ZFHX2: variants seen among roughly 807,000 people sequenced by gnomAD.
The protein encoded by ZFHX2 is zinc finger homeobox 2.
In ZFHX2, 75 loss-of-function variants were observed where a neutral mutation model predicts 164.8. The ratio of observed to expected loss-of-function variants is 0.46; its 90% CI spans 0.38 to 0.55. The LOEUF (loss-of-function observed/expected upper bound fraction) is 0.55. Among genes scored for constraint, ZFHX2 ranks in the 20% least tolerant of loss-of-function variants. The probability of loss-of-function intolerance (pLI) is 0.00; values close to 1 mark genes in which losing one functional copy is unlikely to be tolerated. For synonymous variants in ZFHX2, 1,217 were observed against 1,351.4 expected, an observed-to-expected ratio of 0.90 and a Z score of 2.18; for missense variants, 2,933 against 3,308.0, an observed-to-expected ratio of 0.89 and a Z score of 2.78.
rs1384981539 is a variant in ZFHX2 at position 23,533,993 on chromosome 14, G to A, written c.1333C>T (p.His445Tyr). Reference sequence around the variant, plus strand: ...AGTGTCTTGCAGGAGTTGCGTGAGTGGAGCAGGGACATGTGGCTGGACAGG... The same window carrying A: ...AGTGTCTTGCAGGAGTTGCGTGAGTAGAGCAGGGACATGTGGCTGGACAGG... ...LSLSSHMSLL[H>Y]SRNSCKTLKC... The change falls in exon 2 of 10, where the codon CAC (histidine) becomes TAC (tyrosine). Residue 445 changes from histidine to tyrosine, a missense_variant. Transcript: ENST00000419474. This position sits in a 1 kb window ranked among gnomAD's most constrained non-coding sequence, Gnocchi z 4.8. 1 of 1,537,486 alleles carries A rather than the reference G, an allele frequency of 6.5e-7. No individual in the cohort carries two copies. The highest frequency in any genetic ancestry group is 2.4e-5 in the East Asian group (1 of 40,904).
Position 23,522,316 on chromosome 14 carries a change from C to G in ZFHX2, c.7365G>C (p.Gln2455His), listed in dbSNP as rs1595129589. 1 of 1,525,490 alleles carries G rather than the reference C, an allele frequency of 6.6e-7. No homozygotes were observed. Among genetic ancestry groups the G allele is most frequent in the East Asian group, 2.5e-5 (1 of 40,774 alleles). 94.5% of individuals were successfully genotyped at this position (1,525,490 alleles called of 1,614,324 possible). The change falls in exon 10 of 10, where the codon CAG becomes CAC. Residue 2455 changes from glutamine (Q) to histidine (H), a missense_variant. Gln to His is a conservative substitution (Grantham distance 24). Coordinates refer to ENST00000419474, the MANE Select transcript of ZFHX2 (RefSeq NM_033400.3). Reference protein sequence around the residue: ...VDVTHRYLCRQCKMAFDGEAP... With the variant: ...VDVTHRYLCRHCKMAFDGEAP... ...CCTCCCCGTCAAATGCCATCTTGCA[C>G]TGGCGGCACAGGTAGCGATGGGTTA...
intron 6 of ZFHX2, 102 bp from the exon 7 acceptor site, chr14:23,527,906 T>A: frequency 1.1e-6 from 1 of 901,234 alleles, no homozygotes; most frequent in Non-Finnish European, 1.6e-6. Flanking sequence ...CACTCCTTTT[T>A]TTTTTTTTTT....
chr14:23,533,844 G>A lies in ZFHX2; in HGVS notation c.1482C>T (p.Arg494=), dbSNP rs920876951. 6.5e-7 allele frequency: 1 copy of A among 1,539,288 alleles called. No homozygotes were observed. The highest frequency in any genetic ancestry group is 1.4e-5 in the African/African-American group (1 of 73,098). Reference sequence around the variant, plus strand: ...AGTTGTAGCTCTCTCCACGAGCAAGGCGGGGGTGGGCGCCCCCAGCACTGC... The same window carrying A: ...AGTTGTAGCTCTCTCCACGAGCAAGACGGGGGTGGGCGCCCCCAGCACTGC... ...SYCSAGGAHP[R]LARGESYNCG... The change falls in exon 2 of 10, where the codon CGC becomes CGT. Residue 494 remains arginine, a synonymous_variant. Transcript: ENST00000419474. This position sits in a 1 kb window ranked among gnomAD's most constrained non-coding sequence, Gnocchi z 4.8.
At position 23,523,544 on chromosome 14, in the gene ZFHX2, G is replaced by A. The variant is rs74039343; in HGVS notation, c.6398C>T (p.Thr2133Ile). The change falls in exon 9 of 10, where the codon ACT (threonine) becomes ATT (isoleucine). Residue 2133 changes from threonine to isoleucine, a missense_variant. Physicochemically the swap from Thr to Ile is moderately conservative, Grantham distance 89. Coordinates refer to ENST00000419474, the MANE Select transcript of ZFHX2 (RefSeq NM_033400.3). This position sits in a 1 kb window ranked among gnomAD's most constrained non-coding sequence, Gnocchi z 4.1. ...AKLQGTAAGS[T>I]GGSSEGLLAA... ...TAAGAGGCCCTCACTGCTGCCCCCA[G>A]TGCTCCCAGCGGCTGTCCCCTGTAG... 14 of 1,536,918 alleles carry A rather than the reference G, an allele frequency of 9.1e-6. No individual in the cohort carries two copies. Among genetic ancestry groups the A allele is most frequent in the Non-Finnish European group, 1.2e-5 (14 of 1,147,034 alleles).
Position 23,522,652 on chromosome 14 carries a change from G to A in ZFHX2, c.7029C>T (p.Gly2343=), listed in dbSNP as rs553114754. Residue 2343 remains glycine, a synonymous_variant, in exon 10 of 10, where the codon GGC becomes GGT. Transcript: ENST00000419474. ...LKTTVPALLG[G]QFLPFPLPPA... ...GGGGCAATGGAAAGGGCAGGAACTG[G>A]CCCCCCAACAGGGCTGGGACAGTGG... 85 of 1,536,306 alleles carry A rather than the reference G, an allele frequency of 5.5e-5. No homozygotes were observed. The South Asian group carries it at 8.8e-4, about 16-fold the overall frequency.
rs1460190414 is a variant in ZFHX2, at chr14:23,531,651, C to T, written c.2630G>A (p.Trp877Ter). The T allele has an allele frequency of 1.3e-6, 2 of 1,511,588 alleles. No homozygotes were observed. Among genetic ancestry groups the T allele is most frequent in the Admixed American group, 4.0e-5 (2 of 49,482 alleles). 93.6% of individuals were successfully genotyped at this position (1,511,588 alleles called of 1,614,324 possible). ...LGLYHCLLCA[W>*]ETPSRLAVLQ... ...CACAGCCAAGCGGGAGGGTGTCTCC[C>T]ACGCACACAACAGGCAGTGGTATAG... is the stretch of plus-strand genomic sequence containing the variant. Residue 877 changes from tryptophan to a stop codon, truncating the protein, a stop_gained, in exon 4 of 10, where the codon TGG becomes TAG. Coordinates refer to ENST00000419474, the MANE Select transcript of ZFHX2 (RefSeq NM_033400.3). LOFTEE classifies it high-confidence loss of function.
rs1269695655 is a variant in ZFHX2 at position 23,525,413 on chromosome 14, T to C, written c.4529A>G (p.Glu1510Gly). Residue 1510 changes from glutamate (E) to glycine (G), a missense_variant, in exon 9 of 10, where the codon GAA (glutamate) becomes GGA (glycine). By Grantham distance (98) the Glu-to-Gly change is moderately conservative (BLOSUM62 -2). Transcript: ENST00000419474. This position sits in a 1 kb window ranked among gnomAD's most constrained non-coding sequence, Gnocchi z 5.9. ...EHVHRRFLPF[E>G]ALSRYAAQFR... ...CTGAGCAGCATAACGGCTCAGGGCT[T>C]CAAAGGGCAGAAAGCGGCGGTGGAC... is the stretch of plus-strand genomic sequence containing the variant. The C allele has an allele frequency of 6.5e-7, 1 of 1,536,144 alleles. No individual in the cohort carries two copies. Among genetic ancestry groups the C allele is most frequent in the Non-Finnish European group, 8.7e-7 (1 of 1,146,922 alleles).
In ZFHX2 at chr14:23,533,180, G is replaced by A. The variant is rs1879774266; in HGVS notation, c.2042-96C>T. 12 of 1,440,932 alleles carry A rather than the reference G, an allele frequency of 8.3e-6. No homozygotes were observed. In the Admixed American group the frequency reaches 2.2e-4, roughly 26 times the overall value. The allele number at this position is 1,440,932 out of a possible 1,614,324, so 89.3% of individuals were successfully genotyped here. On this transcript the variant is annotated intron_variant, in intron 2 of 9. Coordinates refer to ENST00000419474, the MANE Select transcript of ZFHX2 (RefSeq NM_033400.3). This position sits in a 1 kb window ranked among gnomAD's most constrained non-coding sequence, Gnocchi z 4.8. Reference sequence around the variant, plus strand: ...GGGTTAATGAGTAGGATAGTGCTCAGAGGGACTTATGGTTACCTAAGTGGG... The same window carrying A: ...GGGTTAATGAGTAGGATAGTGCTCAAAGGGACTTATGGTTACCTAAGTGGG...
At position 23,525,524 on chromosome 14, in the gene ZFHX2, G is replaced by T. The variant is rs1486302154; in HGVS notation, c.4418C>A (p.Ala1473Asp). 1 of 1,535,666 alleles carries T rather than the reference G, an allele frequency of 6.5e-7. No individual in the cohort carries two copies. ...GGCCAGCTTGTCCCCACCCCCGAGG[G>T]CCTCAGGTGGGGGTGGGGTAGGGGG... ...PPPPTPPPPE[A>D]LGGGDKLACG... Residue 1473 changes from alanine (A) to aspartate (D), a missense_variant, in exon 9 of 10, where the codon GCC becomes GAC. Coordinates refer to ENST00000419474, the MANE Select transcript of ZFHX2 (RefSeq NM_033400.3). This position sits in a 1 kb window ranked among gnomAD's most constrained non-coding sequence, Gnocchi z 5.9.
At chr14:23,553,978 C>T (rs1882157295), upstream of ZFHX2, among the ~76,000 whole-genome samples, 3 of 129,366 alleles carry the variant, frequency 2.3e-5, no homozygotes, top group Admixed American at 2.7e-4. Flanking sequence ...GCGGGAGAAT[C>T]ATTTGAACCC....
chr14:23,525,118 T>G lies in ZFHX2; in HGVS notation c.4824A>C (p.Gln1608His). ...TAGTCTCAAAGAAAGACTGCAGGGC[T>G]TGGGTCTGGAACTCTGTGAACTTGG... ...SRTKFTEFQTQALQSFFETSA... is the reference protein window; with the variant it reads ...SRTKFTEFQTHALQSFFETSA... Residue 1608 changes from glutamine to histidine, a missense_variant, in exon 9 of 10, where the codon CAA (glutamine) becomes CAC (histidine). Transcript: ENST00000419474. The surrounding 1 kb of genome is among the most constrained non-coding windows in gnomAD (Gnocchi z 5.9). The G allele has an allele frequency of 6.5e-7, 1 of 1,536,178 alleles. No homozygotes were observed. Among genetic ancestry groups the G allele is most frequent in the Non-Finnish European group, 8.7e-7 (1 of 1,146,920 alleles).
intron 1 of ZFHX2, among the ~76,000 whole-genome samples, chr14:23,539,746 C>CCT (rs1487414888): frequency 3.3e-5 from 5 of 152,152 alleles, no homozygotes; most frequent in Admixed American, 2.0e-4. Flanking sequence ...CCCCCTCCCA[C>CCT]CTCTGGCTGA....
intron 4 of ZFHX2, 89 bp downstream of exon 4, chr14:23,531,392 C>T (rs980585882): frequency 7.2e-5 from 96 of 1,329,532 alleles, no homozygotes; most frequent in Admixed American, 1.7e-4. Context: ...CTTCGCCTTC[C>T]TTGTATCTCT....
At chr14:23,541,374 C>T (rs1454480276) in intron 1 of ZFHX2, among the ~76,000 whole-genome samples, 8 of 151,658 alleles carry the variant, frequency 5.3e-5, no homozygotes, top group Admixed American at 4.6e-4. Flanking sequence ...CTGCAAACTC[C>T]ACCCCTGGGT....
chr14:23,526,244 T>C lies in ZFHX2; in HGVS notation c.3698A>G (p.Glu1233Gly). The change falls in exon 9 of 10, where the codon GAG (glutamate) becomes GGG (glycine). Residue 1233 changes from glutamate (E) to glycine (G), a missense_variant. Coordinates refer to ENST00000419474, the MANE Select transcript of ZFHX2 (RefSeq NM_033400.3). ...AIDPSAPARG[E>G]AGAPPTTTAA... ...AGTGGTGGTGGGTGGGGCACCGGCC[T>C]CTCCCCGTGCAGGGGCAGAGGGGTC... 2 of 1,536,246 alleles carry C rather than the reference T, an allele frequency of 1.3e-6. No individual in the cohort carries two copies. The highest frequency in any genetic ancestry group is 1.7e-6 in the Non-Finnish European group (2 of 1,146,884).
rs1404333775 is a variant in ZFHX2 at position 23,523,320 on chromosome 14, T to G, written c.6622A>C (p.Thr2208Pro). The G allele has an allele frequency of 4.8e-6, 7 of 1,452,112 alleles. No individual in the cohort carries two copies. Among genetic ancestry groups the G allele is most frequent in the Non-Finnish European group, 6.3e-6 (7 of 1,106,596 alleles). The allele number at this position is 1,452,112 out of a possible 1,614,324, so 90.0% of individuals were successfully genotyped here. Residue 2208 changes from threonine to proline, a missense_variant, in exon 9 of 10, where the codon ACA becomes CCA. Thr to Pro is a conservative substitution (Grantham distance 38, BLOSUM62 -1). Coordinates refer to ENST00000419474, the MANE Select transcript of ZFHX2 (RefSeq NM_033400.3). The surrounding 1 kb of genome is among the most constrained non-coding windows in gnomAD (Gnocchi z 4.1). The part of the protein sequence containing the change: ...PPALKAPPAT[T>P]PASMPLGAAP... ...GCCCCGAGGGGCATGGAGGCAGGTG[T>G]GGTGGCAGGTGGGGCCTTGAGAGCT...
intron 3 of ZFHX2, 49 bp downstream of exon 3, chr14:23,532,517 GT>G: frequency 6.3e-6 from 9 of 1,421,276 alleles, no homozygotes; most frequent in Non-Finnish European, 8.2e-6. Flanking sequence ...TCCTCCCTCT[GT>G]CCCCATTCCC....
chr14:23,555,180 G>A (rs576495632), upstream of ZFHX2, among the ~76,000 whole-genome samples: 11 of 151,988 alleles, frequency 7.2e-5, no homozygotes, highest in East Asian at 1.9e-3. Flanking sequence ...TAGAGACGGC[G>A]GGCCGGGGGG....
At chr14:23,529,986 T>C (rs1160862154) in intron 5 of ZFHX2, 134 bp downstream of exon 5, 1 of 1,049,240 alleles carries the variant, frequency 9.5e-7, no homozygotes, top group South Asian at 1.4e-5. Flanking sequence ...TCAGCCTCCC[T>C]TCCCCCTGAT....
Sources: allele counts gnomAD v4.1 joint callset (sites outside exome capture counted in the v4.1 genomes callset), GRCh38; gene constraint gnomAD v4.1.1; non-coding constraint Gnocchi (gnomAD v3.1); transcripts MANE v1.5; gene names NCBI Gene and HGNC (gene_info 2026-07-23, HGNC 2026-07-21).